The following LRGUK variants were observed in gnomAD, a reference collection of about 807,000 sequenced individuals.
The protein encoded by LRGUK is leucine-rich repeat and guanylate kinase domain-containing protein.
A neutral mutation model predicts 76.0 loss-of-function variants in LRGUK; 65 were observed. The ratio of observed to expected loss-of-function variants is 0.85; its 90% confidence interval spans 0.70 to 1.05. The LOEUF (loss-of-function observed/expected upper bound fraction) is 1.05. Among genes scored for constraint, LRGUK ranks in the 50% least tolerant of loss-of-function variants. The pLI is 0.00. For synonymous variants in LRGUK, 268 were observed against 265.6 expected (o/e 1.01, Z -0.09); for missense variants, 758 against 732.8 (o/e 1.03, Z -0.40).
At chr7:134,199,984 A>C (rs1438529081) in intron 14 of LRGUK, among the ~76,000 whole-genome samples, 29 of 12,474 alleles carry the variant, frequency 2.3e-3, no homozygotes, top group African/African-American at 0.012. Context: ...AGAAACTTTT[A>C]TATATATATA....
chr7:134,135,026 G>A (rs1210568740), intron 1 of LRGUK, among the ~76,000 whole-genome samples: 4 of 152,062 alleles, frequency 2.6e-5, no homozygotes, highest in Non-Finnish European at 4.4e-5. Context: ...ACAGACAACA[G>A]GTGGATTAAC....
chr7:134,252,356 A>AT (rs1357336232), intron 18 of LRGUK, among the ~76,000 whole-genome samples: 296 of 146,554 alleles, frequency 2.0e-3, no homozygotes, highest in African/African-American at 7.8e-3. Flanking sequence ...ATTAAATTAA[A>AT]TTAAATTAAA....
At position 134,228,429 on chromosome 7, in the gene LRGUK, T is replaced by C. The variant is rs572479152; in HGVS notation, c.1983+6511T>C. Among the ~76,000 whole-genome samples, 6 of 152,198 alleles carry C rather than the reference T, an allele frequency of 3.9e-5. No individual in the cohort carries two copies. In the South Asian group the frequency reaches 1.0e-3, roughly 26 times the overall value. On this transcript the variant is annotated intron_variant, in intron 16 of 19. Transcript: ENST00000285928. ...AAATGAAGAACAAGACAAAGGGTAA[T>C]ACATGAGTAAATCTGAATACATGAG...
intron 16 of LRGUK, among the ~76,000 whole-genome samples, chr7:134,223,844 A>T (rs1321058155): frequency 6.6e-6 from 1 of 152,092 alleles, no homozygotes; most frequent in African/African-American, 2.4e-5. Context: ...CTGGCCTTGA[A>T]CGCCTGGCCC....
Position 134,166,705 on chromosome 7 carries a change from T to C in LRGUK, c.939+3165T>C, listed in dbSNP as rs183417154. On this transcript the variant is annotated intron_variant, in intron 7 of 15. Coordinates refer to ENST00000645682, the Ensembl canonical transcript of LRGUK. ...CCTTCTAAATCATTCTCTTGAATGCTGACGGAGACAATGGCAGCTGAAGAC... is the reference window on the plus strand; with the variant it reads ...CCTTCTAAATCATTCTCTTGAATGCCGACGGAGACAATGGCAGCTGAAGAC... Among the ~76,000 whole-genome samples, 518 of 152,322 alleles carry C rather than the reference T, an allele frequency of 3.4e-3. 1 individual carries two copies. The highest frequency in any genetic ancestry group is 0.012 in the African/African-American group (488 of 41,578).
chr7:134,135,607 T>C (rs1268982144), intron 1 of LRGUK, among the ~76,000 whole-genome samples: 1 of 152,176 alleles, frequency 6.6e-6, no homozygotes, highest in East Asian at 1.9e-4. Flanking sequence ...AAGTCACACA[T>C]CCAAAATGGC....
chr7:134,273,432 C>T, the LRGUK span, among the ~76,000 whole-genome samples: 1 of 152,098 alleles, frequency 6.6e-6, no homozygotes, highest in Non-Finnish European at 1.5e-5. Flanking sequence ...TCTTTATAAG[C>T]TCCCAAAATA....
In LRGUK at chr7:134,195,663, C is replaced by T. The variant is rs144389524; in HGVS notation, c.1432-1329C>T. 7.4e-3 allele frequency among the ~76,000 whole-genome samples: 1,128 copies of T among 152,112 alleles called. 34 individuals carry two copies. The highest frequency in any genetic ancestry group is 5.5e-3 in the Non-Finnish European group (375 of 67,998). On this transcript the variant is annotated intron_variant, in intron 12 of 15. Transcript: ENST00000645682. ...TCACCCCAAACATCTTCCAAGTTGA[C>T]ACATAATACTAACCAGCAGATGCAA... is the stretch of plus-strand genomic sequence containing the variant.
intron 16 of LRGUK, among the ~76,000 whole-genome samples, chr7:134,238,035 C>T (rs1484592959): frequency 6.6e-6 from 1 of 152,078 alleles, no homozygotes; most frequent in Non-Finnish European, 1.5e-5. Context: ...TAGTTAAAAA[C>T]ATTTTTTACA....
At chr7:134,224,923 G>A (rs1001968011) in intron 16 of LRGUK, among the ~76,000 whole-genome samples, 3 of 151,738 alleles carry the variant, frequency 2.0e-5, no homozygotes, top group Non-Finnish European at 2.9e-5. Flanking sequence ...GTAGTGGCTC[G>A]CGCTTGTGGT....
At position 134,254,393 on chromosome 7, in the gene LRGUK, G is replaced by A. The variant is rs145072402; in HGVS notation, c.2199-3864G>A. On this transcript the variant is annotated intron_variant, in intron 18 of 19. Transcript: ENST00000285928. ...GCTATAATAAAATACCATAGACTGCGTAGCTGATAGACAACACACATTTAT... is the reference window on the plus strand; with the variant it reads ...GCTATAATAAAATACCATAGACTGCATAGCTGATAGACAACACACATTTAT... Among the ~76,000 whole-genome samples, 4 of 152,268 alleles carry A rather than the reference G, an allele frequency of 2.6e-5. No homozygotes were observed. In the East Asian group the frequency reaches 5.8e-4, roughly 22 times the overall value.
At chr7:134,248,919 GTTTTTT>G in intron 17 of LRGUK, 26 bp from the exon 18 acceptor site, 1 of 1,199,590 alleles carries the variant, frequency 8.3e-7, no homozygotes, top group Non-Finnish European at 1.1e-6. Flanking sequence ...AAATCCTTTG[GTTTTTT>G]TTTTTTTTTA....
chr7:134,153,066 A>G (rs1163653104), intron 5 of LRGUK, among the ~76,000 whole-genome samples: 7 of 152,112 alleles, frequency 4.6e-5, no homozygotes, highest in Admixed American at 2.6e-4. Context: ...ACTAGTTTCA[A>G]GCATGCTCAT....
At chr7:134,216,531 T>C (rs1461408457) in intron 15 of LRGUK, among the ~76,000 whole-genome samples, 1 of 152,172 alleles carries the variant, frequency 6.6e-6, no homozygotes, top group Non-Finnish European at 1.5e-5. Flanking sequence ...TTCCATGTGA[T>C]ACACACATAA....
At chr7:134,222,434 G>T (rs963453438) in intron 16 of LRGUK, among the ~76,000 whole-genome samples, 2 of 152,192 alleles carry the variant, frequency 1.3e-5, no homozygotes, top group African/African-American at 2.4e-5. Context: ...ACTGCATTCA[G>T]ATTAGGTTGT....
At chr7:134,229,278 G>A (rs992992794) in intron 16 of LRGUK, among the ~76,000 whole-genome samples, 2 of 151,832 alleles carry the variant, frequency 1.3e-5, no homozygotes, top group Non-Finnish European at 2.9e-5. Flanking sequence ...CATGAGAATC[G>A]CTTGAACCTG....
intron 10 of LRGUK, among the ~76,000 whole-genome samples, chr7:134,180,058 T>C (rs1280197453): frequency 6.6e-6 from 1 of 152,196 alleles, no homozygotes; most frequent in African/African-American, 2.4e-5. Context: ...CTGGTAGTCA[T>C]TGATAGCTTC....
intron 4 of LRGUK, among the ~76,000 whole-genome samples, chr7:134,143,844 A>C (rs554163555): frequency 2.4e-4 from 37 of 152,302 alleles, no homozygotes; most frequent in African/African-American, 8.2e-4. Context: ...TCTTGTGAAA[A>C]GGGAATTCTG....
At chr7:134,163,886 T>C (rs1299788300) in intron 7 of LRGUK, among the ~76,000 whole-genome samples, 1 of 152,106 alleles carries the variant, frequency 6.6e-6, no homozygotes, top group Non-Finnish European at 1.5e-5. Flanking sequence ...AGGTTGGAGA[T>C]ATAAGAATAG....
Sources: gnomAD v4.1 joint callset for allele counts (sites outside exome capture counted in the v4.1 genomes callset) on GRCh38, gnomAD v4.1.1 for gene constraint, MANE v1.5 for transcripts, NCBI Gene and HGNC (gene_info 2026-07-23, HGNC 2026-07-21) for gene names.